The following ZNF292 variants were observed in gnomAD, a reference collection of about 807,000 sequenced individuals.
ZNF292 encodes zinc finger protein 292, also known as 16 zinc-finger domain protein.
Under a neutral mutation model 217.9 loss-of-function variants are expected in ZNF292, and 26 were observed. The ratio of observed to expected loss-of-function variants is 0.12; its 90% CI spans 0.09 to 0.17. ZNF292 has a LOEUF of 0.17. Ranked by LOEUF, ZNF292 falls within the 10% of genes least tolerant of loss-of-function variation. ZNF292 has a pLI of 1.00. For missense variants in ZNF292, 2,904 were observed against 3,175.2 expected (o/e 0.91, Z 2.05); for synonymous variants, 1,257 against 1,124.1 (o/e 1.12, Z -2.37).
chr6:87,240,603 T>C (rs1227112517), intron 5 of ZNF292, among the ~76,000 whole-genome samples: 3 of 152,014 alleles, frequency 2.0e-5, no homozygotes, highest in African/African-American at 7.2e-5. Context: ...GTATTTTTAG[T>C]AGAGACAGGG....
chr6:87,258,154 C>G lies in ZNF292; in HGVS notation c.4525C>G (p.Leu1509Val). The G allele has an allele frequency of 6.2e-7, 1 of 1,611,978 alleles. No homozygotes were observed. Among genetic ancestry groups the G allele is most frequent in the Non-Finnish European group, 8.5e-7 (1 of 1,179,112 alleles). ...IPSTFEGAEM[L>V]SHVSTGCVSD... is the part of the protein sequence containing the mutation. ...CAGTACATTTGAGGGTGCCGAAATG[C>G]TTTCTCATGTTTCAACAGGTTGTGT... is the stretch of plus-strand genomic sequence containing the variant. Residue 1509 changes from leucine (L) to valine (V), a missense_variant, in exon 8 of 8, where the codon CTT (leucine) becomes GTT (valine). By Grantham distance (32) the Leu-to-Val change is conservative (BLOSUM62 1). This residue lies in a region of ZNF292 where 622 missense variants were observed against 573.1 expected (regional missense o/e 1.09). Coordinates refer to ENST00000369577, the MANE Select transcript of ZNF292 (RefSeq NM_015021.3).
chr6:87,170,640 G>A (rs1453157079), intron 1 of ZNF292, among the ~76,000 whole-genome samples: 1 of 152,140 alleles, frequency 6.6e-6, no homozygotes, highest in Non-Finnish European at 1.5e-5. Context: ...AATATTTGTG[G>A]TGTGGGTTTT....
chr6:87,171,852 C>G (rs1434531441), intron 1 of ZNF292, among the ~76,000 whole-genome samples: 2 of 152,172 alleles, frequency 1.3e-5, no homozygotes, highest in African/African-American at 4.8e-5. Context: ...ATGTCTGCCA[C>G]TCTCCAACCT....
chr6:87,214,871 G>A (rs1772663507), intron 1 of ZNF292: 2 of 152,104 alleles, frequency 1.3e-5, no homozygotes, highest in Non-Finnish European at 2.9e-5. Context: ...AAGGTAGTAA[G>A]TGCTTTGGTA....
Position 87,256,767 on chromosome 6 carries a change from C to T in ZNF292, c.3138C>T (p.Ser1046=). 4 of 1,612,712 alleles carry T rather than the reference C, an allele frequency of 2.5e-6. No homozygotes were observed. Among genetic ancestry groups the T allele is most frequent in the African/African-American group, 1.3e-5 (1 of 75,024 alleles). The part of the protein sequence containing the change: ...QAAFQNNLPT[S]KFECGDNVKT... ...CATTTCAAAACAATTTACCAACTTC[C>T]AAATTTGAATGTGGAGATAATGTTA... The change falls in exon 8 of 8, where the codon TCC becomes TCT. Residue 1046 remains serine (S), a synonymous_variant. Transcript: ENST00000369577.
chr6:87,247,186 A>C (rs951625616), intron 7 of ZNF292, among the ~76,000 whole-genome samples: 2 of 150,864 alleles, frequency 1.3e-5, no homozygotes, highest in African/African-American at 4.9e-5. Context: ...AAAAAAAAAA[A>C]AGATCTTGGG....
At chr6:87,245,387 G>T in intron 6 of ZNF292, 116 bp from the exon 7 acceptor site, 1 of 595,298 alleles carries the variant, frequency 1.7e-6, no homozygotes, top group Non-Finnish European at 2.7e-6. Flanking sequence ...ACTTAAGCAT[G>T]CATATAGGAT....
chr6:87,156,863 A>G lies in ZNF292; in HGVS notation c.168+1104A>G, dbSNP rs1252081083. ...ACACTTAGGTTTAAAATTTCAAGGT[A>G]GTGTTGCTGGCTCTGGTGAAGACTT... On this transcript the variant is annotated intron_variant, in intron 1 of 7. Coordinates refer to ENST00000369577, the MANE Select transcript of ZNF292 (RefSeq NM_015021.3). Among the ~76,000 whole-genome samples the G allele has an allele frequency of 2.0e-5, 3 of 152,210 alleles. No homozygotes were observed. The East Asian group carries it at 5.8e-4, about 29-fold the overall frequency.
chr6:87,185,117 G>A (rs1425702507), intron 1 of ZNF292, among the ~76,000 whole-genome samples: 3 of 152,112 alleles, frequency 2.0e-5, no homozygotes, highest in Non-Finnish European at 2.9e-5. Context: ...AAGTCCATAA[G>A]TCTACCCTTT....
chr6:87,178,282 T>G (rs1233369437), intron 1 of ZNF292, among the ~76,000 whole-genome samples: 1 of 152,238 alleles, frequency 6.6e-6, no homozygotes, highest in Non-Finnish European at 1.5e-5. Context: ...CCTAGTTTGC[T>G]GAATTGTAAG....
intron 1 of ZNF292, among the ~76,000 whole-genome samples, chr6:87,208,168 C>T (rs1224532545): frequency 6.6e-6 from 1 of 152,136 alleles, no homozygotes; most frequent in Non-Finnish European, 1.5e-5. Context: ...CCTCTTCCCC[C>T]ACCAATCTTA....
At position 87,216,922 on chromosome 6, in the gene ZNF292, GTGT is replaced by G. The variant is rs555293869; in HGVS notation, c.402+550_402+552del. On this transcript the variant is annotated intron_variant, in intron 3 of 7. Coordinates refer to ENST00000369577, the MANE Select transcript of ZNF292 (RefSeq NM_015021.3). ...ACACATGCTTTGTCTATTTTATTTAGTGTTGTTATTCTGCTTATATGAGGTACT... is the reference window on the plus strand; with the variant it reads ...ACACATGCTTTGTCTATTTTATTTAGTGTTATTCTGCTTATATGAGGTACT... 1.3e-3 allele frequency among the ~76,000 whole-genome samples: 196 copies of G among 152,016 alleles called. 1 individual carries two copies. The Middle Eastern group carries it at 0.014, about 11-fold the overall frequency.
chr6:87,212,869 A>T (rs1424167420), intron 1 of ZNF292, among the ~76,000 whole-genome samples: 2 of 152,230 alleles, frequency 1.3e-5, no homozygotes, highest in Non-Finnish European at 2.9e-5. Context: ...ATTGGAGAGT[A>T]TAACCATTTC....
intron 4 of ZNF292, among the ~76,000 whole-genome samples, chr6:87,226,652 T>G (rs200401512): frequency 1.7e-4 from 23 of 138,612 alleles, no homozygotes; most frequent in East Asian, 4.1e-4. Flanking sequence ...TATATCTATA[T>G]ATATATAGAT....
In ZNF292 at chr6:87,255,134, G is replaced by T. The variant is rs747668124; in HGVS notation, c.1505G>T (p.Gly502Val). The T allele has an allele frequency of 1.1e-5, 17 of 1,613,608 alleles. No homozygotes were observed. In the East Asian group the frequency reaches 2.7e-4, roughly 25 times the overall value. The change falls in exon 8 of 8, where the codon GGT (glycine) becomes GTT (valine). Residue 502 changes from glycine to valine, a missense_variant. Physicochemically the swap from Gly to Val is moderately radical, Grantham distance 109. This residue lies in a region of ZNF292 where 87 missense variants were observed against 99.6 expected (regional missense o/e 0.87). Coordinates refer to ENST00000369577, the MANE Select transcript of ZNF292 (RefSeq NM_015021.3). The part of the protein sequence containing the change: ...TSMNGLSGGV[G>V]ANSGLLKDIG... The stretch of plus-strand genomic sequence containing the variant: ...ATGAATGGGCTTTCTGGTGGAGTTG[G>T]TGCTAATTCTGGCCTTCTTAAAGAC...
At position 87,241,383 on chromosome 6, in the gene ZNF292, T is replaced by C. The variant is rs538589875; in HGVS notation, c.742-2092T>C. ...GGTAATTGTTTAACGTAATTTTGAA[T>C]AAAATATATTGTGATGAAGTGGAAA... On this transcript the variant is annotated intron_variant, in intron 5 of 7. Transcript: ENST00000369577. 2.6e-5 allele frequency among the ~76,000 whole-genome samples: 4 copies of C among 150,944 alleles called. No homozygotes were observed. In the East Asian group the frequency reaches 5.8e-4, roughly 22 times the overall value.
rs146654039 is a variant in ZNF292, at chr6:87,213,153, A to G, written c.169-2750A>G. Among the ~76,000 whole-genome samples, 725 of 152,302 alleles carry G rather than the reference A, an allele frequency of 4.8e-3. 1 individual carries two copies. Among genetic ancestry groups the G allele is most frequent in the Middle Eastern group, 0.01 (3 of 294 alleles). On this transcript the variant is annotated intron_variant, in intron 1 of 7. Transcript: ENST00000369577. ...CATACAGTGGCCTGGGACAAAGTCT[A>G]TTGAGCCTGCTAAGCATTCAGTGGT...
chr6:87,261,987 C>A lies in ZNF292; in HGVS notation c.*186C>A. On this transcript the variant is annotated 3_prime_UTR_variant, in exon 8 of 8. Coordinates refer to ENST00000369577, the MANE Select transcript of ZNF292 (RefSeq NM_015021.3). ...AAAACTTTTTTTTATCCCTATGGGA[C>A]TTGAGGAACAGAATCAGTACTTCAG... 2.4e-6 allele frequency: 1 copy of A among 421,620 alleles called. No homozygotes were observed. The highest frequency in any genetic ancestry group is 4.2e-6 in the Non-Finnish European group (1 of 240,248). The allele number at this position is 421,620 out of a possible 1,614,324, so 26.1% of individuals were successfully genotyped here.
chr6:87,193,781 CAT>C (rs1432212595), intron 1 of ZNF292, among the ~76,000 whole-genome samples: 1 of 152,110 alleles, frequency 6.6e-6, no homozygotes, highest in East Asian at 1.9e-4. Context: ...TTACATGAAA[CAT>C]AAATGAATTT....
Sources: gnomAD v4.1 joint callset for allele counts (sites outside exome capture counted in the v4.1 genomes callset) on GRCh38, gnomAD v4.1.1 for gene constraint, gnomAD v4.1.1 regional missense constraint, MANE v1.5 for transcripts, NCBI Gene and HGNC (gene_info 2026-07-23, HGNC 2026-07-21) for gene names.